Variants in ADCK1 observed in about 807,000 individuals in gnomAD.
ADCK1 encodes aarF domain containing kinase 1.
ADCK1 carries 41 observed loss-of-function variants against 52.3 expected under a neutral mutation model. That is an observed-to-expected ratio of 0.78 (90% CI 0.61 to 1.02). The LOEUF is 1.02. Ranked by LOEUF, ADCK1 falls within the 50% of genes least tolerant of loss-of-function variation. The pLI is 0.00. For missense variants in ADCK1, 658 were observed against 679.5 expected, an observed-to-expected ratio of 0.97 and a Z score of 0.35; for synonymous variants, 250 against 274.6, an observed-to-expected ratio of 0.91 and a Z score of 0.89.
At chr14:77,836,866 C>T (rs984160803) in intron 3 of ADCK1, among the ~76,000 whole-genome samples, 3 of 150,544 alleles carry the variant, frequency 2.0e-5, no homozygotes, top group South Asian at 2.1e-4. Context: ...CTCTGACCCC[C>T]GGGTTTAAGC....
chr14:77,864,375 A>G (rs1202760723), intron 4 of ADCK1, among the ~76,000 whole-genome samples: 9 of 152,216 alleles, frequency 5.9e-5, no homozygotes, highest in Admixed American at 5.2e-4. Flanking sequence ...TGTTGGTGGT[A>G]GAGGCAGAGA....
At position 77,822,462 on chromosome 14, in the gene ADCK1, A is replaced by C; in HGVS notation, c.163A>C (p.Thr55Pro). The C allele has an allele frequency of 6.2e-6, 10 of 1,614,102 alleles. No homozygotes were observed. Among genetic ancestry groups the C allele is most frequent in the Non-Finnish European group, 7.6e-6 (9 of 1,179,992 alleles). The change falls in exon 3 of 11, where the codon ACT (threonine) becomes CCT (proline). Residue 55 changes from threonine to proline, a missense_variant. By Grantham distance (38) the Thr-to-Pro change is conservative (BLOSUM62 -1). Coordinates refer to ENST00000238561, the MANE Select transcript of ADCK1 (RefSeq NM_020421.4). ...GGCTGTCATCAGTTACGACTACCTC[A>C]CTTCCCTGAAGAGTGTCCCTTATGG... is the stretch of plus-strand genomic sequence containing the variant. ...TTAVISYDYL[T>P]SLKSVPYGSE...
chr14:77,840,709 A>G (rs879497137), intron 3 of ADCK1, among the ~76,000 whole-genome samples: 3 of 151,840 alleles, frequency 2.0e-5, no homozygotes, highest in Non-Finnish European at 4.4e-5. Context: ...TTAACCAAGC[A>G]TGGTGGTGTG....
In ADCK1 at chr14:77,930,293, G is replaced by T. The variant is rs141709149; in HGVS notation, c.1207-1225G>T. ...TTGCAGTGACTCTGTTCTCAGCAGC[G>T]CACACGTGCTTCTGAAAGGACTGAG... is the stretch of plus-strand genomic sequence containing the variant. On this transcript the variant is annotated intron_variant, in intron 9 of 10. Coordinates refer to ENST00000238561, the MANE Select transcript of ADCK1 (RefSeq NM_020421.4). Among the ~76,000 whole-genome samples the T allele has an allele frequency of 1.7e-3, 263 of 152,298 alleles. 1 individual carries two copies. Among genetic ancestry groups the T allele is most frequent in the African/African-American group, 5.9e-3 (247 of 41,568 alleles).
chr14:77,829,415 C>T (rs897216600), intron 3 of ADCK1, among the ~76,000 whole-genome samples: 1 of 151,004 alleles, frequency 6.6e-6, no homozygotes, highest in African/African-American at 2.4e-5. Flanking sequence ...CCACTTTAGC[C>T]TCCTGAGTAG....
At chr14:77,839,847 A>T (rs1189655829) in intron 3 of ADCK1, among the ~76,000 whole-genome samples, 2 of 146,602 alleles carry the variant, frequency 1.4e-5, no homozygotes, top group Non-Finnish European at 3.0e-5. Context: ...TGAACCCGGG[A>T]AGTCGAGGCT....
At chr14:77,836,643 G>T (rs937525918) in intron 3 of ADCK1, among the ~76,000 whole-genome samples, 2 of 152,152 alleles carry the variant, frequency 1.3e-5, no homozygotes, top group Admixed American at 1.3e-4. Context: ...GGACCATGCT[G>T]CTGGTGGGAA....
At chr14:77,805,445 A>G (rs1594840684) in intron 1 of ADCK1, among the ~76,000 whole-genome samples, 1 of 151,732 alleles carries the variant, frequency 6.6e-6, no homozygotes, top group East Asian at 2.0e-4. Flanking sequence ...TATTTTTAGT[A>G]GAGACAGGGC....
chr14:77,868,384 C>T (rs933154010), intron 4 of ADCK1, among the ~76,000 whole-genome samples: 20 of 152,210 alleles, frequency 1.3e-4, no homozygotes, highest in African/African-American at 4.1e-4. Flanking sequence ...ATCGAGCAAT[C>T]GGGCTGGGCT....
At chr14:77,904,596 C>T (rs1270713600) in intron 6 of ADCK1, among the ~76,000 whole-genome samples, 1 of 152,244 alleles carries the variant, frequency 6.6e-6, no homozygotes, top group Non-Finnish European at 1.5e-5. Flanking sequence ...CAGGGCCAGA[C>T]TGTGAGGCTG....
chr14:77,854,391 A>G (rs2082373123), intron 3 of ADCK1, among the ~76,000 whole-genome samples: 1 of 152,166 alleles, frequency 6.6e-6, no homozygotes, highest in South Asian at 2.1e-4. Flanking sequence ...ATGATACTGG[A>G]TGAGATCCCC....
chr14:77,805,495 C>T (rs901956450), intron 1 of ADCK1, among the ~76,000 whole-genome samples: 4 of 151,976 alleles, frequency 2.6e-5, no homozygotes, highest in African/African-American at 9.7e-5. Flanking sequence ...CCCCTAACCT[C>T]AAGTGATCCA....
chr14:77,861,983 G>C (rs527606936), intron 4 of ADCK1, among the ~76,000 whole-genome samples: 4 of 152,220 alleles, frequency 2.6e-5, no homozygotes, highest in Non-Finnish European at 4.4e-5. Flanking sequence ...GCTCAGGCAG[G>C]GAGTGCGCTG....
intron 4 of ADCK1, among the ~76,000 whole-genome samples, chr14:77,881,322 G>A (rs1047916589): frequency 6.6e-6 from 1 of 152,164 alleles, no homozygotes; most frequent in Non-Finnish European, 1.5e-5. Context: ...TCACCATGCC[G>A]TGGCAGCTCA....
chr14:77,933,143 A>T, intron 10 of ADCK1, 77 bp from the exon 11 acceptor site: 1 of 1,486,542 alleles, frequency 6.7e-7, no homozygotes, highest in Non-Finnish European at 9.1e-7. Flanking sequence ...CACCATCTTT[A>T]GTTTTTCTAA....
chr14:77,921,339 A>AAAAAAAAAAAAAAG (rs1566736552), intron 7 of ADCK1, among the ~76,000 whole-genome samples: 1 of 149,406 alleles, frequency 6.7e-6, no homozygotes, highest in African/African-American at 2.5e-5. Flanking sequence ...AAAAAAAAAA[A>AAAAAAAAAAAAAAG]AAAAAAAAAG....
chr14:77,868,151 C>T (rs2082702255), intron 4 of ADCK1, among the ~76,000 whole-genome samples: 2 of 152,184 alleles, frequency 1.3e-5, no homozygotes. Flanking sequence ...GAGAATCACT[C>T]ATGGGTTGTG....
intron 7 of ADCK1, 122 bp from the exon 8 acceptor site, chr14:77,924,335 G>T: frequency 7.6e-7 from 1 of 1,314,606 alleles, no homozygotes; most frequent in South Asian, 1.4e-5. Flanking sequence ...CACCACAACC[G>T]CTCCGGCCCA....
chr14:77,825,967 G>A (rs189347425), intron 3 of ADCK1, among the ~76,000 whole-genome samples: 9 of 152,300 alleles, frequency 5.9e-5, no homozygotes, highest in Admixed American at 1.3e-4. Context: ...TCTGCTTTAC[G>A]GAATCTGCAG....
Sources: allele counts gnomAD v4.1 joint callset (sites outside exome capture counted in the v4.1 genomes callset), GRCh38; gene constraint gnomAD v4.1.1; transcripts MANE v1.5; gene names NCBI Gene and HGNC (gene_info 2026-07-23, HGNC 2026-07-21).